Variants in PLS1 observed in about 807,000 individuals in gnomAD.
PLS1 encodes plastin 1.
Under a neutral mutation model 73.7 loss-of-function variants are expected in PLS1, and 32 were observed. The ratio of observed to expected loss-of-function variants is 0.43; its 90% CI spans 0.33 to 0.58. PLS1 has a LOEUF of 0.58. Ranked by LOEUF, PLS1 falls within the 20% of genes least tolerant of loss-of-function variation. The probability of loss-of-function intolerance (pLI) is 0.04; values close to 1 mark genes in which losing one functional copy is unlikely to be tolerated. For synonymous variants in PLS1, 217 were observed against 261.3 expected (o/e 0.83, Z 1.63); for missense variants, 633 against 740.5 (o/e 0.85, Z 1.68).
At chr3:142,651,606 C>CACGTG (rs1359733230) in intron 1 of PLS1, among the ~76,000 whole-genome samples, 1 of 152,032 alleles carries the variant, frequency 6.6e-6, no homozygotes, top group East Asian at 1.9e-4. Context: ...GGACTCCAGG[C>CACGTG]ACGTGCCACT....
At chr3:142,711,276 A>G (rs1933112832) in intron 14 of PLS1, among the ~76,000 whole-genome samples, 1 of 152,178 alleles carries the variant, frequency 6.6e-6, no homozygotes, top group Non-Finnish European at 1.5e-5. Context: ...TCATGTCCAC[A>G]AACCTTATTC....
chr3:142,693,818 T>C (rs1168988666), intron 10 of PLS1, among the ~76,000 whole-genome samples: 1 of 152,180 alleles, frequency 6.6e-6, no homozygotes, highest in Middle Eastern at 3.2e-3. Flanking sequence ...CTTACTATGA[T>C]GAAATCTGTC....
chr3:142,598,412 G>T (rs545104141), intron 1 of PLS1, among the ~76,000 whole-genome samples: 1 of 152,126 alleles, frequency 6.6e-6, no homozygotes, highest in Non-Finnish European at 1.5e-5. Context: ...GGCCATGTTA[G>T]AGCTGTATCA....
intron 1 of PLS1, among the ~76,000 whole-genome samples, chr3:142,604,272 A>C (rs951386313): frequency 2.0e-5 from 3 of 152,216 alleles, no homozygotes; most frequent in African/African-American, 7.2e-5. Flanking sequence ...AGACAAGTAG[A>C]ATCTCTAGGT....
intron 14 of PLS1, among the ~76,000 whole-genome samples, chr3:142,710,259 G>A (rs1207602346): frequency 6.7e-6 from 1 of 149,182 alleles, no homozygotes; most frequent in Non-Finnish European, 1.5e-5. Flanking sequence ...TAGGATAGTT[G>A]CTGCTTGTGA....
At chr3:142,711,711 C>A (rs555938089) in intron 15 of PLS1, 86 bp downstream of exon 15, 6 of 1,334,236 alleles carry the variant, frequency 4.5e-6, no homozygotes, top group South Asian at 2.9e-5. Context: ...CCTTAAAATT[C>A]ATATTTTTAA....
rs749059972 is a variant in PLS1 at position 142,689,742 on chromosome 3, C to T, written c.1106C>T (p.Ala369Val). The T allele has an allele frequency of 8.1e-6, 13 of 1,610,656 alleles. No homozygotes were observed. Among genetic ancestry groups the T allele is most frequent in the Non-Finnish European group, 1.1e-5 (13 of 1,178,060 alleles). The change falls in exon 10 of 16, where the codon GCT becomes GTT. Residue 369 changes from alanine to valine, a missense_variant. Coordinates refer to ENST00000457734, the MANE Select transcript of PLS1 (RefSeq NM_001145319.2). ...CCTAAACTTAATTTAGCTTTTGTAG[C>T]TAATTTGTTTAACACATACCCGTGC... is the stretch of plus-strand genomic sequence containing the variant. The part of the protein sequence containing the change: ...GNPKLNLAFV[A>V]NLFNTYPCLH...
chr3:142,644,245 GT>G (rs2036903779), intron 1 of PLS1, among the ~76,000 whole-genome samples: 1 of 151,318 alleles, frequency 6.6e-6, no homozygotes, highest in Admixed American at 6.6e-5. Flanking sequence ...TCTTTGGTAG[GT>G]TTTTTGTTTT....
At chr3:142,688,219 A>AT (rs578038317) in intron 9 of PLS1, among the ~76,000 whole-genome samples, 90 of 152,160 alleles carry the variant, frequency 5.9e-4, no homozygotes, top group Non-Finnish European at 1.2e-3. Flanking sequence ...AAGTGCTGGG[A>AT]TTACAGGCAT....
chr3:142,659,679 T>C (rs1358113023), intron 1 of PLS1, among the ~76,000 whole-genome samples: 1 of 151,858 alleles, frequency 6.6e-6, no homozygotes, highest in African/African-American at 2.4e-5. Context: ...TTTCTTTTTT[T>C]TTTTTTGTTG....
intron 9 of PLS1, 127 bp from the exon 10 acceptor site, chr3:142,689,491 A>G (rs905093159): frequency 4.5e-4 from 195 of 429,034 alleles, no homozygotes; most frequent in East Asian, 6.8e-4. Context: ...ATTACTACAC[A>G]TTTTGATCTT....
At chr3:142,660,388 A>G (rs1303587664) in intron 1 of PLS1, among the ~76,000 whole-genome samples, 1 of 152,190 alleles carries the variant, frequency 6.6e-6, no homozygotes, top group Non-Finnish European at 1.5e-5. Flanking sequence ...AGTAAAAAAT[A>G]TATTTTGTAT....
intron 2 of PLS1, 138 bp downstream of exon 2, chr3:142,664,445 C>G: frequency 2.0e-6 from 1 of 511,788 alleles, no homozygotes; most frequent in Non-Finnish European, 3.5e-6. Flanking sequence ...CTAGGTTTCA[C>G]TGGATTCTTT....
At chr3:142,662,835 T>TTAG (rs1345111334) in intron 1 of PLS1, among the ~76,000 whole-genome samples, 6 of 152,334 alleles carry the variant, frequency 3.9e-5, no homozygotes, top group Admixed American at 3.9e-4. Flanking sequence ...TGACAATGTG[T>TTAG]TAGTACCAAC....
At chr3:142,687,542 T>TA (rs1314032395) in intron 9 of PLS1, among the ~76,000 whole-genome samples, 3 of 152,106 alleles carry the variant, frequency 2.0e-5, no homozygotes, top group Non-Finnish European at 4.4e-5. Context: ...TCATTTTAAG[T>TA]AAAAAAATTA....
intron 1 of PLS1, among the ~76,000 whole-genome samples, chr3:142,627,283 T>G (rs2036450038): frequency 6.6e-6 from 1 of 152,170 alleles, no homozygotes; most frequent in Non-Finnish European, 1.5e-5. Flanking sequence ...CCTACTTTTT[T>G]GTACTGACAT....
chr3:142,672,369 G>A (rs981806126), intron 4 of PLS1, among the ~76,000 whole-genome samples: 3 of 139,362 alleles, frequency 2.2e-5, no homozygotes, highest in African/African-American at 5.5e-5. Flanking sequence ...TTGAGATGGC[G>A]TCTCGCTCTG....
intron 4 of PLS1, among the ~76,000 whole-genome samples, chr3:142,674,552 T>G (rs2037678706): frequency 6.6e-6 from 1 of 152,148 alleles, no homozygotes; most frequent in Non-Finnish European, 1.5e-5. Context: ...TACAGAATAA[T>G]AATAAAGTTG....
intron 12 of PLS1, among the ~76,000 whole-genome samples, chr3:142,700,887 T>TA (rs1447456726): frequency 6.6e-6 from 1 of 152,190 alleles, no homozygotes; most frequent in African/African-American, 2.4e-5. Context: ...GAATAAGACT[T>TA]AAGAGATCTG....
Sources: allele counts gnomAD v4.1 joint callset (sites outside exome capture counted in the v4.1 genomes callset), GRCh38; gene constraint gnomAD v4.1.1; transcripts MANE v1.5; gene names NCBI Gene and HGNC (gene_info 2026-07-23, HGNC 2026-07-21).